The following KIF25 variants were observed in gnomAD, a reference collection of about 807,000 sequenced individuals.
The protein encoded by KIF25 is kinesin-like protein KIF25.
KIF25 carries 19 observed loss-of-function variants against 32.9 expected under a neutral mutation model. That is an observed-to-expected ratio of 0.58 (90% CI 0.40 to 0.85). The LOEUF (loss-of-function observed/expected upper bound fraction) is 0.85, where lower values mean the gene tolerates loss of function less well. Among genes scored for constraint, KIF25 ranks in the 40% least tolerant of loss-of-function variants. The probability of loss-of-function intolerance (pLI) is 0.00; values close to 1 mark genes in which losing one functional copy is unlikely to be tolerated. For missense variants in KIF25, 485 were observed against 507.0 expected, an observed-to-expected ratio of 0.96 and a Z score of 0.42; for synonymous variants, 225 against 213.7, an observed-to-expected ratio of 1.05 and a Z score of -0.46.
At chr6:168,017,539 G>A (rs769759903) in intron 4 of KIF25, among the ~76,000 whole-genome samples, 3 of 152,184 alleles carry the variant, frequency 2.0e-5, no homozygotes, top group African/African-American at 7.2e-5. Context: ...CACTGGTTAC[G>A]ATGGAATATA....
At chr6:168,041,011 C>T (rs1409939141) in intron 10 of KIF25, among the ~76,000 whole-genome samples, 1 of 152,176 alleles carries the variant, frequency 6.6e-6, no homozygotes. Context: ...TCAGGTTCAG[C>T]AGGGCTGGGA....
rs116479423 is a variant in KIF25, at chr6:168,025,186, G to A, written c.-94-4306G>A. The stretch of plus-strand genomic sequence containing the variant: ...GGGACAGGCATCCCAACAAAGGACA[G>A]AGACTCATCAGAGACGCGGGGACGC... On this transcript the variant is annotated intron_variant, in intron 5 of 12. Coordinates refer to ENST00000643607, the MANE Select transcript of KIF25 (RefSeq NM_030615.4). 2.5e-3 allele frequency among the ~76,000 whole-genome samples: 387 copies of A among 152,352 alleles called. 4 individuals carry two copies. Among genetic ancestry groups the A allele is most frequent in the African/African-American group, 8.5e-3 (354 of 41,582 alleles).
At chr6:168,032,988 T>A (rs1463737408) in intron 7 of KIF25, among the ~76,000 whole-genome samples, 1 of 152,164 alleles carries the variant, frequency 6.6e-6, no homozygotes, top group African/African-American at 2.4e-5. Flanking sequence ...ATATTTCTGA[T>A]CCTCCCATTA....
intron 8 of KIF25, 81 bp downstream of exon 8, chr6:168,034,112 A>G: frequency 1.4e-6 from 2 of 1,446,564 alleles, no homozygotes; most frequent in Non-Finnish European, 1.9e-6. Flanking sequence ...CACGTGGGAA[A>G]AATTATTACC....
chr6:168,043,904 GGAGAAGTCCT>G (rs1383054617), intron 12 of KIF25, among the ~76,000 whole-genome samples: 2 of 152,252 alleles, frequency 1.3e-5, no homozygotes, highest in Non-Finnish European at 2.9e-5. Flanking sequence ...TTCCTCAGGA[GGAGAAGTCCT>G]GGGCACACGG....
intron 10 of KIF25, among the ~76,000 whole-genome samples, chr6:168,041,346 C>T (rs1451875137): frequency 1.3e-5 from 2 of 152,200 alleles, no homozygotes; most frequent in Non-Finnish European, 2.9e-5. Flanking sequence ...ACCGCAGGGG[C>T]TGGAAAGGCA....
chr6:168,026,207 G>C (rs909049325), intron 5 of KIF25, among the ~76,000 whole-genome samples: 1 of 152,154 alleles, frequency 6.6e-6, no homozygotes, highest in Non-Finnish European at 1.5e-5. Context: ...CCACCCTCGG[G>C]GATCGTGTGA....
In KIF25 at chr6:168,034,009, A is replaced by G; in HGVS notation, c.295A>G (p.Arg99Gly). 2 of 1,614,200 alleles carry G rather than the reference A, an allele frequency of 1.2e-6. No homozygotes were observed. The highest frequency in any genetic ancestry group is 2.2e-5 in the South Asian group (2 of 91,084). ...DPQSDLGIIP[R>G]VAEELFRLIL... is the part of the protein sequence containing the mutation. ...ACAGAGTGACTTAGGAATTATCCCTAGAGTGGCTGAGGAGCTCTTCAGGTA... is the reference window on the plus strand; with the variant it reads ...ACAGAGTGACTTAGGAATTATCCCTGGAGTGGCTGAGGAGCTCTTCAGGTA... The change falls in exon 8 of 13, where the codon AGA becomes GGA. Residue 99 changes from arginine (R) to glycine (G), a missense_variant. Transcript: ENST00000643607.
chr6:168,011,465 T>C (rs928735122), intron 4 of KIF25, among the ~76,000 whole-genome samples: 1 of 152,244 alleles, frequency 6.6e-6, no homozygotes, highest in African/African-American at 2.4e-5. Context: ...CTTTGCTGGG[T>C]ATAATATTAT....
chr6:168,008,091 A>G (rs2114870622), intron 4 of KIF25, among the ~76,000 whole-genome samples: 1 of 152,302 alleles, frequency 6.6e-6, no homozygotes, highest in South Asian at 2.1e-4. Context: ...GGAATACTGT[A>G]TGGATTTGGC....
At chr6:168,012,359 A>G (rs1384343172) in intron 4 of KIF25, among the ~76,000 whole-genome samples, 2 of 152,192 alleles carry the variant, frequency 1.3e-5, no homozygotes, top group African/African-American at 4.8e-5. Flanking sequence ...CTTAGGGTGC[A>G]TGGTTCTAGA....
rs1055472173 is a variant in KIF25 at position 168,032,043 on chromosome 6, G to T, written c.167+1196G>T. On this transcript the variant is annotated intron_variant, in intron 7 of 12. Transcript: ENST00000643607. ...CTGGGTTAAGGTAAAGGATTATGGA[G>T]ACTAAAGTTCTCATTTGCAGAGGAA... Among the ~76,000 whole-genome samples, 4 of 152,338 alleles carry T rather than the reference G, an allele frequency of 2.6e-5. No homozygotes were observed. In the South Asian group the frequency reaches 8.3e-4, roughly 32 times the overall value.
chr6:168,016,061 G>A (rs182750571), intron 4 of KIF25, among the ~76,000 whole-genome samples: 241 of 152,268 alleles, frequency 1.6e-3, no homozygotes, highest in African/African-American at 5.6e-3. Flanking sequence ...TCAAAGGAAC[G>A]GTCCCCGAAG....
At chr6:168,007,976 C>G (rs538808542) in intron 4 of KIF25, among the ~76,000 whole-genome samples, 2 of 152,326 alleles carry the variant, frequency 1.3e-5, no homozygotes, top group South Asian at 4.1e-4. Context: ...TACTGCATCA[C>G]TCTTATCTTA....
At chr6:168,019,525 C>T (rs2114883741) in intron 5 of KIF25, among the ~76,000 whole-genome samples, 1 of 152,244 alleles carries the variant, frequency 6.6e-6, no homozygotes, top group African/African-American at 2.4e-5. Context: ...GACGGGTGAG[C>T]TTGAGGCCGC....
At chr6:168,025,272 C>T (rs953898912) in intron 5 of KIF25, among the ~76,000 whole-genome samples, 3 of 152,144 alleles carry the variant, frequency 2.0e-5, no homozygotes, top group African/African-American at 4.8e-5. Context: ...GAATTCTTCT[C>T]AGTTTCCCTG....
chr6:168,032,764 C>T (rs1798959297), intron 7 of KIF25, among the ~76,000 whole-genome samples: 1 of 152,182 alleles, frequency 6.6e-6, no homozygotes, highest in Non-Finnish European at 1.5e-5. Flanking sequence ...ACCGGAGTCA[C>T]AGTTGACCAG....
At chr6:168,011,672 C>T (rs1011792118) in intron 4 of KIF25, among the ~76,000 whole-genome samples, 1 of 152,154 alleles carries the variant, frequency 6.6e-6, no homozygotes, top group African/African-American at 2.4e-5. Flanking sequence ...TTGGAGAGGA[C>T]CTGCCTGGGG....
chr6:168,025,492 G>T (rs929206345), intron 5 of KIF25, among the ~76,000 whole-genome samples: 1 of 152,116 alleles, frequency 6.6e-6, no homozygotes, highest in Non-Finnish European at 1.5e-5. Flanking sequence ...TGGCTTGCTG[G>T]ATGATGGCTG....
Sources: allele counts gnomAD v4.1 joint callset (sites outside exome capture counted in the v4.1 genomes callset), GRCh38; gene constraint gnomAD v4.1.1; transcripts MANE v1.5; gene names NCBI Gene and HGNC (gene_info 2026-07-23, HGNC 2026-07-21).